The following JPH2 variants were observed in gnomAD, a reference collection of about 807,000 sequenced individuals.
JPH2 encodes the protein junctophilin 2.
JPH2 carries 38 observed loss-of-function variants against 55.9 expected under a neutral mutation model. That is an observed-to-expected ratio of 0.68 (90% CI 0.52 to 0.89). JPH2 has a LOEUF of 0.89. Among genes scored for constraint, JPH2 ranks in the 40% least tolerant of loss-of-function variants. The pLI is 0.00. For missense variants in JPH2, 964 were observed against 1,037.6 expected (o/e 0.93, Z 0.97); for synonymous variants, 480 against 472.4 (o/e 1.02, Z -0.21).
At chr20:44,181,740 C>T (rs2072785191) in intron 1 of JPH2, among the ~76,000 whole-genome samples, 1 of 152,210 alleles carries the variant, frequency 6.6e-6, no homozygotes, top group Non-Finnish European at 1.5e-5. Flanking sequence ...CTCACTCCTG[C>T]ACATATGTCG....
intron 2 of JPH2, among the ~76,000 whole-genome samples, chr20:44,145,749 C>A (rs2072490276): frequency 6.6e-6 from 1 of 152,102 alleles, no homozygotes; most frequent in Non-Finnish European, 1.5e-5. Context: ...GACCCAGAAG[C>A]CAACTGAGGC....
At chr20:44,186,089 C>A (rs910426715) in intron 1 of JPH2, among the ~76,000 whole-genome samples, 14 of 152,260 alleles carry the variant, frequency 9.2e-5, no homozygotes, top group African/African-American at 2.6e-4. Flanking sequence ...ACTTACATGG[C>A]AGGCTTTGTA....
chr20:44,134,483 TAATATATATTTATTATA>T (rs1569194337), intron 2 of JPH2, among the ~76,000 whole-genome samples: 4 of 6,754 alleles, frequency 5.9e-4, no homozygotes, highest in Admixed American at 5.7e-3. Flanking sequence ...TATATATTTA[TAATATATATTTATTATA>T]TATAAATAAT....
At chr20:44,167,628 C>T (rs1013084022) in intron 1 of JPH2, among the ~76,000 whole-genome samples, 1 of 152,134 alleles carries the variant, frequency 6.6e-6, no homozygotes, top group African/African-American at 2.4e-5. Context: ...TTAATAAAAC[C>T]TAAATATAGC....
At chr20:44,140,018 C>A (rs767540121) in intron 2 of JPH2, among the ~76,000 whole-genome samples, 1 of 152,018 alleles carries the variant, frequency 6.6e-6, no homozygotes, top group African/African-American at 2.4e-5. Flanking sequence ...ACTACAGGCG[C>A]GTGCCACCTT....
At position 44,160,919 on chromosome 20, in the gene JPH2, C is replaced by CA. The variant is rs2072605758; in HGVS notation, c.380-513dup. ...GGCAACATGGTGAAACCTCTCTCTA[C>CA]AAAAAAATTAGTCAGGCGTGGTGGC... On this transcript the variant is annotated intron_variant, in intron 1 of 5. Coordinates refer to ENST00000372980, the MANE Select transcript of JPH2 (RefSeq NM_020433.5). This position sits in a 1 kb window ranked among gnomAD's most constrained non-coding sequence, Gnocchi z 4.9. Among the ~76,000 whole-genome samples the CA allele has an allele frequency of 1.3e-5, 2 of 152,030 alleles. No homozygotes were observed. Among genetic ancestry groups the CA allele is most frequent in the Non-Finnish European group, 1.5e-5 (1 of 68,006 alleles).
chr20:44,109,377 G>A lies in JPH2; in HGVS notation c.*4141C>T, dbSNP rs2072126677. ...TGTGTTCATATTTTCTATCTGAAGA[G>A]GCAGGTAACATGGTATTCATCACCC... On this transcript the variant is annotated 3_prime_UTR_variant, in exon 6 of 6. Coordinates refer to ENST00000372980, the MANE Select transcript of JPH2 (RefSeq NM_020433.5). 6.6e-6 allele frequency among the ~76,000 whole-genome samples: 1 copy of A among 152,228 alleles called. No homozygotes were observed. The highest frequency in any genetic ancestry group is 2.1e-4 in the South Asian group (1 of 4,834).
At chr20:44,137,478 C>G (rs920430020) in intron 2 of JPH2, among the ~76,000 whole-genome samples, 1 of 152,194 alleles carries the variant, frequency 6.6e-6, no homozygotes, top group Non-Finnish European at 1.5e-5. Flanking sequence ...GTCACTGACA[C>G]CCACTCGCAC....
intron 1 of JPH2, among the ~76,000 whole-genome samples, chr20:44,167,030 C>A (rs1244068550): frequency 2.6e-5 from 4 of 152,200 alleles, no homozygotes; most frequent in Non-Finnish European, 4.4e-5. Context: ...AAGCTTTCCC[C>A]ATTTCTTCAC....
chr20:44,114,197 C>G (rs759712887), intron 5 of JPH2, among the ~76,000 whole-genome samples: 3 of 152,098 alleles, frequency 2.0e-5, no homozygotes, highest in Non-Finnish European at 4.4e-5. Context: ...CCAGCTCCAT[C>G]ATGGGGAAAA....
At chr20:44,114,015 G>T (rs1163717168) in intron 5 of JPH2, among the ~76,000 whole-genome samples, 1 of 152,226 alleles carries the variant, frequency 6.6e-6, no homozygotes, top group East Asian at 1.9e-4. Context: ...GGGGGCCTGA[G>T]GAAAAGGCAG....
intron 1 of JPH2, among the ~76,000 whole-genome samples, chr20:44,174,574 G>A (rs965405514): frequency 2.6e-5 from 4 of 152,302 alleles, no homozygotes; most frequent in Middle Eastern, 3.4e-3. Flanking sequence ...AGGAGTTCGC[G>A]ACCAGCCTGT....
chr20:44,115,667 CT>C lies in JPH2; in HGVS notation c.2007del (p.Glu670ArgfsTer11). ...CACACCTTGCCCGACAGCCTCACCT[CT>C]TCCACCTCCACCTCCGCCTCTGCCG... Reference protein sequence around the residue: ...ALAAEAEVEVEEVPNTILICM... With the variant: ...ALAAEAEVEVXEVPNTILICM... On this transcript the variant is annotated frameshift_variant, in exon 4 of 6. Transcript: ENST00000372980. LOFTEE classifies it high-confidence loss of function. 6.2e-7 allele frequency: 1 copy of C among 1,612,570 alleles called. No homozygotes were observed. The highest frequency in any genetic ancestry group is 8.5e-7 in the Non-Finnish European group (1 of 1,179,990).
At chr20:44,154,553 T>G (rs568280803) in intron 2 of JPH2, among the ~76,000 whole-genome samples, 1 of 152,282 alleles carries the variant, frequency 6.6e-6, no homozygotes, top group South Asian at 2.1e-4. Context: ...TGTCTCATCT[T>G]TCTCCCTTCT....
intron 2 of JPH2, among the ~76,000 whole-genome samples, chr20:44,146,098 A>G (rs2072492551): frequency 6.8e-6 from 1 of 147,840 alleles, no homozygotes; most frequent in Non-Finnish European, 1.5e-5. Flanking sequence ...CAGTGGTGCC[A>G]TCTCGGCTCA....
At chr20:44,148,403 T>C (rs1326167617) in intron 2 of JPH2, among the ~76,000 whole-genome samples, 2 of 152,186 alleles carry the variant, frequency 1.3e-5, no homozygotes, top group African/African-American at 4.8e-5. Context: ...CCATGTCTCC[T>C]GACTCCCGTT....
chr20:44,174,788 C>T (rs1456735457), intron 1 of JPH2, among the ~76,000 whole-genome samples: 2 of 152,002 alleles, frequency 1.3e-5, no homozygotes, highest in African/African-American at 2.4e-5. Context: ...ATCTCTTGAG[C>T]TCAGGAGTTC....
rs573848816 is a variant in JPH2 at position 44,186,608 on chromosome 20, T to C, written c.98A>G (p.Lys33Arg). ...GGAGCCAGAGTATTCGCCCTGGCCC[T>C]TGGGGCCTGTGCACAGTCCATGCCC... ...AHGHGLCTGP[K>R]GQGEYSGSWN... Residue 33 changes from lysine (K) to arginine (R), a missense_variant, in exon 1 of 6, where the codon AAG becomes AGG. By Grantham distance (26) the Lys-to-Arg change is conservative (BLOSUM62 2). Coordinates refer to ENST00000372980, the MANE Select transcript of JPH2 (RefSeq NM_020433.5). The C allele has an allele frequency of 6.2e-7, 1 of 1,613,278 alleles. No individual in the cohort carries two copies. Among genetic ancestry groups the C allele is most frequent in the South Asian group, 1.1e-5 (1 of 91,082 alleles).
At position 44,116,080 on chromosome 20, in the gene JPH2, C is replaced by G; in HGVS notation, c.1595G>C (p.Arg532Pro). 1 of 1,523,488 alleles carries G rather than the reference C, an allele frequency of 6.6e-7. No homozygotes were observed. Among genetic ancestry groups the G allele is most frequent in the Non-Finnish European group, 8.7e-7 (1 of 1,146,636 alleles). 94.4% of individuals were successfully genotyped at this position (1,523,488 alleles called of 1,614,324 possible). Reference protein sequence around the residue: ...RSVTPSEGAGRRSPARPATER... With the variant: ...RSVTPSEGAGPRSPARPATER... Reference sequence around the variant, plus strand: ...GGTGGCTGGACGCGCGGGGCTGCGGCGGCCCGCGCCCTCGGACGGAGTGAC... The same window carrying G: ...GGTGGCTGGACGCGCGGGGCTGCGGGGGCCCGCGCCCTCGGACGGAGTGAC... Residue 532 changes from arginine to proline, a missense_variant, in exon 4 of 6, where the codon CGC becomes CCC. Coordinates refer to ENST00000372980, the MANE Select transcript of JPH2 (RefSeq NM_020433.5).
Sources: gnomAD v4.1 joint callset for allele counts (sites outside exome capture counted in the v4.1 genomes callset) on GRCh38, gnomAD v4.1.1 for gene constraint, Gnocchi (gnomAD v3.1) non-coding constraint, MANE v1.5 for transcripts, NCBI Gene and HGNC (gene_info 2026-07-23, HGNC 2026-07-21) for gene names.